AFF3: variants seen among roughly 807,000 people sequenced by gnomAD.
AFF3 encodes the protein AF4/FMR2 family member 3.
In AFF3, 32 loss-of-function variants were observed where a neutral mutation model predicts 129.7. The ratio of observed to expected loss-of-function variants is 0.25; its 90% CI spans 0.19 to 0.33. The LOEUF (loss-of-function observed/expected upper bound fraction) is 0.33, where lower values mean the gene tolerates loss of function less well. AFF3 is among the 10% of genes least tolerant of loss of function. AFF3 has a pLI of 1.00. For synonymous variants in AFF3, 644 were observed against 635.4 expected, an observed-to-expected ratio of 1.01 and a Z score of -0.20; for missense variants, 1,373 against 1,592.0, an observed-to-expected ratio of 0.86 and a Z score of 2.34.
At chr2:99,673,171 G>A (rs1687317999) in intron 11 of AFF3, among the ~76,000 whole-genome samples, 1 of 151,912 alleles carries the variant, frequency 6.6e-6, no homozygotes, top group East Asian at 1.9e-4. Context: ...CCTGCCCCAG[G>A]GGCTTTCATG....
intron 7 of AFF3, among the ~76,000 whole-genome samples, chr2:99,890,035 G>A (rs943506868): frequency 6.6e-6 from 1 of 152,190 alleles, no homozygotes; most frequent in African/African-American, 2.4e-5. Context: ...TTTTGCGTGT[G>A]CACAGGCGAG....
Position 99,594,199 on chromosome 2 carries a change from T to C in AFF3, c.1462A>G (p.Ser488Gly), listed in dbSNP as rs1679059806. 2 of 1,614,016 alleles carry C rather than the reference T, an allele frequency of 1.2e-6. No homozygotes were observed. Among genetic ancestry groups the C allele is most frequent in the African/African-American group, 1.3e-5 (1 of 74,934 alleles). ...HKPPILIQNE[S>G]HGSESNQYYN... is the part of the protein sequence containing the mutation. ...TACTGATTGCTCTCTGACCCGTGGC[T>C]TTCATTTTGGATCAGAATAGGAGGC... The change falls in exon 15 of 25, where the codon AGC becomes GGC. Residue 488 changes from serine (S) to glycine (G), a missense_variant. Coordinates refer to ENST00000672756, the MANE Select transcript of AFF3 (RefSeq NM_001386135.1).
intron 8 of AFF3, among the ~76,000 whole-genome samples, chr2:99,795,469 G>A (rs141178334): frequency 1.1e-4 from 16 of 152,146 alleles, no homozygotes; most frequent in African/African-American, 3.9e-4. Context: ...TCAGATGGTG[G>A]ATACACTAAA....
intron 1 of AFF3, among the ~76,000 whole-genome samples, chr2:100,138,480 G>C (rs1692719337): frequency 6.6e-6 from 1 of 152,130 alleles, no homozygotes; most frequent in Non-Finnish European, 1.5e-5. Context: ...CTGCTAGATT[G>C]ACATTTTGTT....
intron 13 of AFF3, among the ~76,000 whole-genome samples, chr2:99,648,885 G>GCACACACACACACA (rs1185084808): frequency 1.1e-5 from 1 of 93,812 alleles, no homozygotes; most frequent in African/African-American, 3.9e-5. Flanking sequence ...AAACACGCGC[G>GCACACACACACACA]CACACACACA....
intron 1 of AFF3, among the ~76,000 whole-genome samples, chr2:100,131,231 T>C (rs1362079518): frequency 6.6e-6 from 1 of 152,070 alleles, no homozygotes; most frequent in Non-Finnish European, 1.5e-5. Context: ...CTTGAATGAG[T>C]ATGATTTTCA....
intron 22 of AFF3, among the ~76,000 whole-genome samples, chr2:99,556,182 G>A (rs538939445): frequency 2.6e-5 from 4 of 152,318 alleles, no homozygotes; most frequent in East Asian, 1.9e-4. Context: ...AGTGACTCAC[G>A]CCTGTAATCC....
At chr2:99,999,037 G>A (rs973482283) in intron 7 of AFF3, among the ~76,000 whole-genome samples, 2 of 152,200 alleles carry the variant, frequency 1.3e-5, no homozygotes, top group East Asian at 1.9e-4. Flanking sequence ...ATCTGTGGGA[G>A]CACACGCACA....
At chr2:99,737,836 C>T (rs548375770) in intron 10 of AFF3, among the ~76,000 whole-genome samples, 20 of 151,904 alleles carry the variant, frequency 1.3e-4, no homozygotes, top group Admixed American at 1.2e-3. Context: ...TTCCTGTTTT[C>T]CATTTCTGTC....
At chr2:99,631,010 C>T (rs1323596853) in intron 13 of AFF3, 3 of 463,362 alleles carry the variant, frequency 6.5e-6, no homozygotes, top group Admixed American at 4.9e-5. Flanking sequence ...CAGCTACCAG[C>T]TAAGGCTGAA....
chr2:99,678,758 A>G (rs1674249415), intron 11 of AFF3, among the ~76,000 whole-genome samples: 1 of 152,250 alleles, frequency 6.6e-6, no homozygotes, highest in South Asian at 2.1e-4. Flanking sequence ...TCTAACAATT[A>G]GCATTGCCTG....
At chr2:100,103,674 G>A (rs1376625915) in intron 4 of AFF3, among the ~76,000 whole-genome samples, 3 of 151,888 alleles carry the variant, frequency 2.0e-5, no homozygotes, top group Non-Finnish European at 2.9e-5. Flanking sequence ...AACCTGGAGT[G>A]CCCCCCGGGC....
At chr2:99,985,612 C>A (rs1392852500) in intron 7 of AFF3, among the ~76,000 whole-genome samples, 3 of 152,148 alleles carry the variant, frequency 2.0e-5, no homozygotes, top group African/African-American at 7.2e-5. Context: ...TTAAAATTCA[C>A]ACAACAACAT....
chr2:99,869,761 G>T (rs1261343113), intron 7 of AFF3, among the ~76,000 whole-genome samples: 1 of 152,090 alleles, frequency 6.6e-6, no homozygotes, highest in Non-Finnish European at 1.5e-5. Flanking sequence ...TGTTCCAAAG[G>T]GTTCTGGGGG....
intron 8 of AFF3, among the ~76,000 whole-genome samples, chr2:99,771,164 A>C (rs1212279606): frequency 6.6e-6 from 1 of 152,246 alleles, no homozygotes; most frequent in East Asian, 1.9e-4. Context: ...AGGAACAGAA[A>C]ACCAAACACT....
chr2:100,002,097 G>C (rs971101040), intron 7 of AFF3, among the ~76,000 whole-genome samples: 4 of 152,208 alleles, frequency 2.6e-5, no homozygotes, highest in African/African-American at 7.2e-5. Context: ...TGAGTCTCCA[G>C]GCTTGCCACA....
chr2:99,727,169 T>TA (rs753051238), intron 10 of AFF3, 41 bp from the exon 11 acceptor site: 2 of 1,549,790 alleles, frequency 1.3e-6, no homozygotes, highest in South Asian at 2.3e-5. Flanking sequence ...ATATGAGTCT[T>TA]ACAGTCTTTA....
intron 7 of AFF3, among the ~76,000 whole-genome samples, chr2:99,856,322 A>G (rs999235924): frequency 6.6e-6 from 1 of 152,182 alleles, no homozygotes; most frequent in African/African-American, 2.4e-5. Flanking sequence ...AAAATGTCCA[A>G]GATATAATCC....
At chr2:99,639,193 G>A (rs987506613) in intron 13 of AFF3, among the ~76,000 whole-genome samples, 1 of 152,172 alleles carries the variant, frequency 6.6e-6, no homozygotes, top group Non-Finnish European at 1.5e-5. Flanking sequence ...ACATATTTGG[G>A]ACCTTTTAAA....
Sources: gnomAD v4.1 joint callset for allele counts (sites outside exome capture counted in the v4.1 genomes callset) on GRCh38, gnomAD v4.1.1 for gene constraint, MANE v1.5 for transcripts, NCBI Gene and HGNC (gene_info 2026-07-23, HGNC 2026-07-21) for gene names.